The following NADK variants were observed in gnomAD, a reference collection of about 807,000 sequenced individuals.
NADK encodes the protein poly(P)/ATP NAD kinase.
NADK carries 22 observed loss-of-function variants against 49.8 expected under a neutral mutation model. The observed-to-expected ratio is 0.44, with a 90% CI of 0.32 to 0.63. The LOEUF is 0.63. Among genes scored for constraint, NADK ranks in the 30% least tolerant of loss-of-function variants. The pLI, the probability that NADK is intolerant of heterozygous loss-of-function variation, is 0.06. For missense variants in NADK, 438 were observed against 609.4 expected (o/e 0.72, Z 2.96); for synonymous variants, 268 against 253.7 (o/e 1.06, Z -0.54).
intron 1 of NADK, among the ~76,000 whole-genome samples, chr1:1,772,744 G>A (rs1646088974): frequency 6.6e-6 from 1 of 151,868 alleles, no homozygotes. Flanking sequence ...GGAGGTGTAA[G>A]ATGTTAACAC....
intron 2 of NADK, among the ~76,000 whole-genome samples, chr1:1,764,335 C>A (rs142156976): frequency 2.6e-5 from 4 of 152,224 alleles, no homozygotes; most frequent in Admixed American, 6.5e-5. Context: ...CATCCCCAGG[C>A]ACCATCACAG....
chr1:1,779,588 TC>T (rs540053018), upstream of NADK, among the ~76,000 whole-genome samples: 243 of 152,144 alleles, frequency 1.6e-3, no homozygotes, highest in African/African-American at 5.6e-3. Context: ...AAGCGATCCT[TC>T]CACTTCAGCT....
chr1:1,758,571 G>T, intron 3 of NADK: 1 of 1,537,018 alleles, frequency 6.5e-7, no homozygotes. Flanking sequence ...AGAAGCCTAA[G>T]CTCTTCATAC....
intron 1 of NADK, among the ~76,000 whole-genome samples, chr1:1,766,600 A>G (rs569692071): frequency 6.6e-5 from 10 of 152,138 alleles, no homozygotes; most frequent in Admixed American, 3.3e-4. Context: ...TTCAGCGCCA[A>G]TGAAATATTT....
chr1:1,756,714 T>G (rs1645534946), intron 4 of NADK, 106 bp from the exon 5 acceptor site: 2 of 1,575,164 alleles, frequency 1.3e-6, no homozygotes, highest in Non-Finnish European at 1.7e-6. Flanking sequence ...CATCGTGGCC[T>G]GCATGCCCGC....
At chr1:1,763,471 TAGAC>T (rs1645790748) in intron 2 of NADK, among the ~76,000 whole-genome samples, 1 of 151,570 alleles carries the variant, frequency 6.6e-6, no homozygotes, top group Non-Finnish European at 1.5e-5. Context: ...ATACAAAAAT[TAGAC>T]AGGCGTGGTG....
At chr1:1,760,678 C>T (rs1349065742) in intron 3 of NADK, among the ~76,000 whole-genome samples, 1 of 149,768 alleles carries the variant, frequency 6.7e-6, no homozygotes, top group Admixed American at 6.6e-5. Context: ...AAGGAGGAGG[C>T]CCTGAAGAGA....
intron 2 of NADK, among the ~76,000 whole-genome samples, chr1:1,762,413 G>A (rs915952974): frequency 6.6e-6 from 1 of 152,172 alleles, no homozygotes; most frequent in Non-Finnish European, 1.5e-5. Context: ...TCTCTAAATC[G>A]TCTAGATTAA....
intron 6 of NADK, 73 bp from the exon 7 acceptor site, chr1:1,755,549 C>T: frequency 9.0e-7 from 1 of 1,111,536 alleles, no homozygotes; most frequent in Non-Finnish European, 1.4e-6. Flanking sequence ...CCAGCAGCAC[C>T]TCAGGAGGGA....
chr1:1,753,421 C>A (rs567202412), intron 11 of NADK, 146 bp downstream of exon 11: 2 of 672,308 alleles, frequency 3.0e-6, no homozygotes, highest in South Asian at 4.0e-5. Flanking sequence ...GGTGCCCCGA[C>A]TGTGATGCTG....
rs920701065 is a variant in NADK, at chr1:1,765,212, T to A, written c.179+16A>T. 6.4e-7 allele frequency: 1 copy of A among 1,550,698 alleles called. No individual in the cohort carries two copies. The highest frequency in any genetic ancestry group is 8.7e-7 in the Non-Finnish European group (1 of 1,149,534). ...CAGACGAGAAAAAAAAGAGGAACCA[T>A]CCCTCCCAGTTGTACCTGAACTCCT... On this transcript the variant is annotated intron_variant, in intron 2 of 11. Transcript: ENST00000341426.
rs749774507 is a variant in NADK, at chr1:1,756,485, G to A, written c.499+18C>T. On this transcript the variant is annotated intron_variant, in intron 5 of 11. Transcript: ENST00000341426. ...AACTGTGCTGGAGAAACCAAGGACA[G>A]AGCTGCTGACAGCCCACCTTCTCGA... The A allele has an allele frequency of 2.5e-6, 4 of 1,613,928 alleles. No individual in the cohort carries two copies. Among genetic ancestry groups the A allele is most frequent in the Non-Finnish European group, 3.4e-6 (4 of 1,179,982 alleles).
intron 6 of NADK, 148 bp from the exon 7 acceptor site, chr1:1,755,624 G>A: frequency 1.5e-6 from 1 of 665,900 alleles, no homozygotes; most frequent in African/African-American, 1.8e-5. Flanking sequence ...GACAAGCGGA[G>A]GGGGACGTCG....
In NADK at chr1:1,773,676, TTGTGTGTGTGTGTGTG is replaced by T. The variant is rs57063985; in HGVS notation, c.-41+4597_-41+4612del. Among the ~76,000 whole-genome samples the T allele has an allele frequency of 9.4e-4, 110 of 116,698 alleles. 4 individuals carry two copies. The highest frequency in any genetic ancestry group is 1.9e-3 in the East Asian group (7 of 3,630). The allele number at this position is 116,698 out of a possible 152,430, so 76.6% of individuals were successfully genotyped here. A position where few individuals can be genotyped will look rare whatever the true frequency, so the allele number is the denominator to read the frequency against. On this transcript the variant is annotated intron_variant, in intron 1 of 11. Coordinates refer to ENST00000341426, the MANE Select transcript of NADK (RefSeq NM_023018.5). Reference sequence around the variant, plus strand: ...TGCTACATTACCTAGAAGCTCTATTTTGTGTGTGTGTGTGTGTGTGTGTGTGTGTGTGTGTGTGTGT... The same window carrying T: ...TGCTACATTACCTAGAAGCTCTATTTTGTGTGTGTGTGTGTGTGTGTGTGT...
rs148718127 is a variant in NADK, at chr1:1,766,596, G to A, written c.-40-1150C>T. 1.8e-4 allele frequency among the ~76,000 whole-genome samples: 28 copies of A among 151,940 alleles called. No individual in the cohort carries two copies. In the South Asian group the frequency reaches 5.2e-3, roughly 28 times the overall value. ...CCATGCCTTGCATCGTGAATTCAGC[G>A]CCAATGAAATATTTACCAAACTGAC... On this transcript the variant is annotated intron_variant, in intron 1 of 11. Coordinates refer to ENST00000341426, the MANE Select transcript of NADK (RefSeq NM_023018.5).
chr1:1,761,930 G>A (rs755922356), intron 3 of NADK, 22 bp downstream of exon 3: 17 of 1,612,386 alleles, frequency 1.1e-5, no homozygotes, highest in East Asian at 4.5e-5. Flanking sequence ...AGAACCCCCC[G>A]TCCTGGGGCC....
intron 1 of NADK, among the ~76,000 whole-genome samples, chr1:1,771,068 A>G (rs1646036592): frequency 6.8e-6 from 1 of 147,166 alleles, no homozygotes; most frequent in African/African-American, 2.5e-5. Flanking sequence ...ATATATATAT[A>G]TATATATACA....
At chr1:1,770,504 T>A (rs1324729527) in intron 1 of NADK, among the ~76,000 whole-genome samples, 2 of 152,196 alleles carry the variant, frequency 1.3e-5, no homozygotes, top group African/African-American at 2.4e-5. Context: ...TATTTCTATA[T>A]ACTAGCAATA....
chr1:1,755,426 C>A lies in NADK; in HGVS notation c.636G>T (p.Leu212=). ...GAAAGTTCTCAAAGCTGAATGGGGT[C>A]AGGAAGCCCAGGGAGCCCAGGTGGA... ...MAFHLGSLGF[L]TPFSFENFQS... The change falls in exon 7 of 12, where the codon CTG becomes CTT. Residue 212 remains leucine, a synonymous_variant. Transcript: ENST00000341426. 6.2e-7 allele frequency: 1 copy of A among 1,614,046 alleles called. No homozygotes were observed. The highest frequency in any genetic ancestry group is 8.5e-7 in the Non-Finnish European group (1 of 1,179,998).
Sources: allele counts gnomAD v4.1 joint callset (sites outside exome capture counted in the v4.1 genomes callset), GRCh38; gene constraint gnomAD v4.1.1; transcripts MANE v1.5; gene names NCBI Gene and HGNC (gene_info 2026-07-23, HGNC 2026-07-21).